The following PDIA4 variants were observed in gnomAD, a reference collection of about 807,000 sequenced individuals.
The protein encoded by PDIA4 is protein disulfide-isomerase A4.
PDIA4 carries 33 observed loss-of-function variants against 62.1 expected under a neutral mutation model. The ratio of observed to expected loss-of-function variants is 0.53; its 90% confidence interval spans 0.40 to 0.71. PDIA4 has a LOEUF of 0.71. Among genes scored for constraint, PDIA4 ranks in the 30% least tolerant of loss-of-function variants. PDIA4 has a pLI of 0.00. For synonymous variants in PDIA4, 341 were observed against 324.1 expected, an observed-to-expected ratio of 1.05 and a Z score of -0.56; for missense variants, 804 against 813.6, an observed-to-expected ratio of 0.99 and a Z score of 0.14.
chr7:149,028,244 G>A (rs554196485), intron 1 of PDIA4, 77 bp downstream of exon 1: 3 of 1,096,954 alleles, frequency 2.7e-6, no homozygotes, highest in East Asian at 2.7e-5. Flanking sequence ...GCCCGCCGGG[G>A]TCGCAGGGCC....
intron 3 of PDIA4, among the ~76,000 whole-genome samples, chr7:149,018,058 T>C (rs1336796265): frequency 6.6e-6 from 1 of 151,764 alleles, no homozygotes; most frequent in African/African-American, 2.4e-5. Flanking sequence ...TGAAACCCCG[T>C]CTCTACTAAA....
chr7:149,009,173 C>T (rs1563120106), intron 6 of PDIA4, among the ~76,000 whole-genome samples: 3 of 152,148 alleles, frequency 2.0e-5, no homozygotes, highest in Non-Finnish European at 2.9e-5. Flanking sequence ...TCAAGTGACC[C>T]GCCTGTCTTG....
chr7:149,012,404 G>T, intron 4 of PDIA4, 44 bp from the exon 5 acceptor site: 2 of 1,528,012 alleles, frequency 1.3e-6, no homozygotes, highest in South Asian at 1.1e-5. Context: ...TTCTAGTGTG[G>T]ACTCACTTTC....
intron 6 of PDIA4, among the ~76,000 whole-genome samples, chr7:149,011,570 T>G (rs918077696): frequency 6.6e-6 from 1 of 152,202 alleles, no homozygotes; most frequent in African/African-American, 2.4e-5. Flanking sequence ...CGGCACCTTA[T>G]GGCCTGAAGA....
At chr7:149,013,771 A>G (rs1824031465) in intron 4 of PDIA4, among the ~76,000 whole-genome samples, 1 of 152,308 alleles carries the variant, frequency 6.6e-6, no homozygotes, top group Admixed American at 6.5e-5. Context: ...GAATAAATGG[A>G]TAATTATCTT....
At chr7:149,025,275 C>CG (rs1824512659) in intron 1 of PDIA4, among the ~76,000 whole-genome samples, 1 of 151,970 alleles carries the variant, frequency 6.6e-6, no homozygotes, top group African/African-American at 2.4e-5. Flanking sequence ...TCCACTCCCA[C>CG]GGGGCACACC....
chr7:149,011,824 A>T (rs370147870), intron 6 of PDIA4, 22 bp downstream of exon 6: 3 of 1,515,644 alleles, frequency 2.0e-6, no homozygotes, highest in Non-Finnish European at 2.7e-6. Context: ...CATTTTGTTC[A>T]GCCCAGAGGG....
chr7:149,014,781 C>T, intron 4 of PDIA4, 123 bp downstream of exon 4: 1 of 850,226 alleles, frequency 1.2e-6, no homozygotes, highest in Non-Finnish European at 1.9e-6. Flanking sequence ...AGCCTCAATC[C>T]TGGCCTACAA....
At chr7:149,004,843 G>C (rs937807876) in intron 9 of PDIA4, among the ~76,000 whole-genome samples, 4 of 152,238 alleles carry the variant, frequency 2.6e-5, no homozygotes, top group African/African-American at 9.6e-5. Flanking sequence ...TAAGCCCTGA[G>C]ATGGACTCCG....
At chr7:149,010,566 T>C (rs942119817) in intron 6 of PDIA4, among the ~76,000 whole-genome samples, 1 of 152,256 alleles carries the variant, frequency 6.6e-6, no homozygotes, top group Non-Finnish European at 1.5e-5. Context: ...TGGGGATTTG[T>C]AGTCAGTTGG....
Position 149,011,259 on chromosome 7 carries a change from G to A in PDIA4, c.979+587C>T, listed in dbSNP as rs186328505. On this transcript the variant is annotated intron_variant, in intron 6 of 9. Coordinates refer to ENST00000652332, the MANE Select transcript of PDIA4 (RefSeq NM_004911.5). Reference sequence around the variant, plus strand: ...CCCCAGGCATCAGGAGCCAGACCAAGGCAGACGATGGATTTCAGGATGGGG... The same window carrying A: ...CCCCAGGCATCAGGAGCCAGACCAAAGCAGACGATGGATTTCAGGATGGGG... Among the ~76,000 whole-genome samples the A allele has an allele frequency of 8.5e-4, 130 of 152,296 alleles. 1 individual carries two copies. Among genetic ancestry groups the A allele is most frequent in the Non-Finnish European group, 1.6e-3 (108 of 68,022 alleles).
In PDIA4 at chr7:149,004,228, C is replaced by T. The variant is rs1195717114; in HGVS notation, c.1523-19G>A. 6.2e-6 allele frequency: 10 copies of T among 1,600,334 alleles called. No individual in the cohort carries two copies. Among genetic ancestry groups the T allele is most frequent in the African/African-American group, 1.3e-5 (1 of 74,640 alleles). On this transcript the variant is annotated intron_variant, in intron 9 of 9. Coordinates refer to ENST00000652332, the MANE Select transcript of PDIA4 (RefSeq NM_004911.5). ...AGTTTTCCTGCCAAGGAAAGCAAGG[C>T]GGGAGGGGGCGTCAGTGCTGCAAAG...
intron 7 of PDIA4, among the ~76,000 whole-genome samples, chr7:149,006,866 G>C (rs931631272): frequency 1.3e-5 from 2 of 152,206 alleles, no homozygotes; most frequent in Non-Finnish European, 2.9e-5. Flanking sequence ...CACTCAGCAG[G>C]GAAACGCCAG....
chr7:149,022,309 T>A (rs1824380508), intron 1 of PDIA4, among the ~76,000 whole-genome samples: 1 of 152,176 alleles, frequency 6.6e-6, no homozygotes, highest in Non-Finnish European at 1.5e-5. Flanking sequence ...TCAACATGTA[T>A]CAAAAATCAC....
In PDIA4 at chr7:149,003,518, A is replaced by G. The variant is rs1222474404; in HGVS notation, c.*276T>C. 1 of 324,396 alleles carries G rather than the reference A, an allele frequency of 3.1e-6. No homozygotes were observed. Among genetic ancestry groups the G allele is most frequent in the Non-Finnish European group, 5.5e-6 (1 of 180,506 alleles). The allele number at this position is 324,396 out of a possible 1,614,324, so 20.1% of individuals were successfully genotyped here. On this transcript the variant is annotated 3_prime_UTR_variant, in exon 10 of 10. Transcript: ENST00000652332. The stretch of plus-strand genomic sequence containing the variant: ...ACACAGAAGAATTATCTGCTTTGAG[A>G]AATAAAGAAATTAGAAGGTGTAAAA...
Position 149,022,727 on chromosome 7 carries a change from G to A in PDIA4, c.89-1580C>T, listed in dbSNP as rs778599893. ...GTGGACTCTGTGGCTGCCTAGCCAC[G>A]GAGGCAGCCTGCACCCACCCCACAT... On this transcript the variant is annotated intron_variant, in intron 1 of 9. Coordinates refer to ENST00000652332, the MANE Select transcript of PDIA4 (RefSeq NM_004911.5). 4.9e-4 allele frequency among the ~76,000 whole-genome samples: 74 copies of A among 152,214 alleles called. 1 individual carries two copies. Among genetic ancestry groups the A allele is most frequent in the Middle Eastern group, 3.4e-3 (1 of 294 alleles).
At chr7:149,017,211 T>C (rs1485737135) in intron 3 of PDIA4, among the ~76,000 whole-genome samples, 1 of 152,130 alleles carries the variant, frequency 6.6e-6, no homozygotes, top group Non-Finnish European at 1.5e-5. Context: ...GCATCTTTTT[T>C]TTTTTTTCTG....
chr7:149,011,750 C>A, intron 6 of PDIA4, 96 bp downstream of exon 6: 1 of 1,006,050 alleles, frequency 9.9e-7, no homozygotes, highest in East Asian at 2.5e-5. Flanking sequence ...TCAAACCACC[C>A]CCTAATGGAT....
At chr7:149,024,326 C>T (rs1184578262) in intron 1 of PDIA4, among the ~76,000 whole-genome samples, 1 of 22,462 alleles carries the variant, frequency 4.5e-5, no homozygotes, top group South Asian at 4.1e-3. Flanking sequence ...ACTCTCAAGG[C>T]CCCTACCTTT....
Sources: gnomAD v4.1 joint callset for allele counts (sites outside exome capture counted in the v4.1 genomes callset) on GRCh38, gnomAD v4.1.1 for gene constraint, MANE v1.5 for transcripts, NCBI Gene and HGNC (gene_info 2026-07-23, HGNC 2026-07-21) for gene names.